The following SEMA3A variants were observed in gnomAD, a reference collection of about 807,000 sequenced individuals.
SEMA3A encodes the protein semaphorin 3A, also known as semaphorin-3A.
A neutral mutation model predicts 97.9 loss-of-function variants in SEMA3A; 29 were observed. The observed-to-expected ratio is 0.30, with a 90% CI of 0.22 to 0.40. The LOEUF is 0.40. Ranked by LOEUF, SEMA3A falls within the 10% of genes least tolerant of loss-of-function variation. The pLI is 1.00. For synonymous variants in SEMA3A, 321 were observed against 323.7 expected (o/e 0.99, Z 0.09); for missense variants, 763 against 951.3 (o/e 0.80, Z 2.60).
intron 4 of SEMA3A, among the ~76,000 whole-genome samples, chr7:84,095,358 C>CATATATAT (rs200107086): frequency 1.2e-3 from 142 of 122,856 alleles, no homozygotes; most frequent in African/African-American, 4.0e-3. Flanking sequence ...TTTTTATATA[C>CATATATAT]ATATATATAT....
At chr7:83,961,878 G>C (rs1788487405) in intron 16 of SEMA3A, 52 bp from the exon 17 acceptor site, 1 of 1,359,326 alleles carries the variant, frequency 7.4e-7, no homozygotes. Flanking sequence ...AAAAGAAATA[G>C]AAGCTCTGAA....
At chr7:84,207,242 GA>G (rs1258797050) in intron 3 of SEMA3A, among the ~76,000 whole-genome samples, 1 of 152,204 alleles carries the variant, frequency 6.6e-6, no homozygotes, top group African/African-American at 2.4e-5. Context: ...AAATGTAAGT[GA>G]ATTACTTCCT....
At chr7:84,017,725 T>C (rs1725708670) in intron 6 of SEMA3A, among the ~76,000 whole-genome samples, 1 of 152,160 alleles carries the variant, frequency 6.6e-6, no homozygotes, top group Non-Finnish European at 1.5e-5. Flanking sequence ...AAACGTTGCC[T>C]TCCCCTTCCT....
chr7:84,159,388 G>T (rs147566153), intron 1 of SEMA3A, among the ~76,000 whole-genome samples: 1 of 151,926 alleles, frequency 6.6e-6, no homozygotes, highest in African/African-American at 2.4e-5. Flanking sequence ...ATCTTTTTCC[G>T]TACCTTTTTA....
At chr7:84,378,531 G>C (rs1012673005) in intron 1 of SEMA3A, among the ~76,000 whole-genome samples, 1 of 152,022 alleles carries the variant, frequency 6.6e-6, no homozygotes, top group African/African-American at 2.4e-5. Flanking sequence ...GACACAGGGA[G>C]GGAACATCAC....
chr7:84,155,419 A>G (rs973844524), intron 1 of SEMA3A, among the ~76,000 whole-genome samples: 1 of 152,168 alleles, frequency 6.6e-6, no homozygotes, highest in South Asian at 2.1e-4. Context: ...TTGAGATGTC[A>G]GTGTGCTTTG....
chr7:84,424,391 T>C (rs1025685244), intron 1 of SEMA3A, among the ~76,000 whole-genome samples: 1 of 135,628 alleles, frequency 7.4e-6, no homozygotes, highest in African/African-American at 2.7e-5. Flanking sequence ...AATAATATAA[T>C]ACAATATGAA....
At chr7:84,225,615 C>A (rs919943096) in intron 3 of SEMA3A, among the ~76,000 whole-genome samples, 4 of 152,034 alleles carry the variant, frequency 2.6e-5, no homozygotes, top group African/African-American at 9.7e-5. Context: ...TATCTTAAAT[C>A]TTGTGCAACA....
intron 4 of SEMA3A, among the ~76,000 whole-genome samples, chr7:84,071,152 G>T (rs2372026): frequency 1.3e-5 from 2 of 151,958 alleles, no homozygotes; most frequent in Admixed American, 1.3e-4. Flanking sequence ...ACTAATCAAA[G>T]GGAAAAATTC....
intron 7 of SEMA3A, 118 bp downstream of exon 7, chr7:84,014,089 TTA>T: frequency 2.6e-6 from 2 of 755,576 alleles, no homozygotes; most frequent in Non-Finnish European, 4.3e-6. Flanking sequence ...CATTTATTTG[TTA>T]TGTGAGTCAA....
chr7:84,419,669 G>T (rs1040193735), intron 1 of SEMA3A, among the ~76,000 whole-genome samples: 1 of 152,094 alleles, frequency 6.6e-6, no homozygotes, highest in African/African-American at 2.4e-5. Flanking sequence ...CCACATACAG[G>T]TTCAGAGTGG....
At chr7:84,384,990 A>G (rs982644191) in intron 1 of SEMA3A, among the ~76,000 whole-genome samples, 11 of 152,082 alleles carry the variant, frequency 7.2e-5, no homozygotes, top group African/African-American at 2.4e-4. Context: ...GAGAGCTTCT[A>G]TATCAGGTTC....
chr7:84,363,367 T>G (rs1287378661), intron 2 of SEMA3A, among the ~76,000 whole-genome samples: 1 of 151,908 alleles, frequency 6.6e-6, no homozygotes, highest in African/African-American at 2.4e-5. Context: ...TTTTTCACTC[T>G]CGGACATTCG....
At chr7:83,998,778 GTTA>G (rs1057080489) in intron 12 of SEMA3A, among the ~76,000 whole-genome samples, 2 of 151,686 alleles carry the variant, frequency 1.3e-5, no homozygotes, top group Admixed American at 1.3e-4. Context: ...TTTAAAATTT[GTTA>G]TTATTATTTC....
At chr7:84,479,246 G>C (rs1584353835) in intron 1 of SEMA3A, among the ~76,000 whole-genome samples, 1 of 152,118 alleles carries the variant, frequency 6.6e-6, no homozygotes. Flanking sequence ...AAGGTTAATG[G>C]CTAAGTGCTT....
intron 1 of SEMA3A, among the ~76,000 whole-genome samples, chr7:84,185,444 G>A (rs965096159): frequency 6.6e-6 from 1 of 151,706 alleles, no homozygotes; most frequent in Non-Finnish European, 1.5e-5. Flanking sequence ...GGCCAAGGTG[G>A]GCAGATCATC....
At chr7:84,145,136 T>A (rs916068461) in intron 1 of SEMA3A, among the ~76,000 whole-genome samples, 11 of 152,304 alleles carry the variant, frequency 7.2e-5, no homozygotes, top group Admixed American at 4.6e-4. Context: ...CACCCTCACC[T>A]GCTTAGGTAA....
chr7:84,008,149 T>C (rs1286815005), intron 9 of SEMA3A, among the ~76,000 whole-genome samples: 1 of 152,060 alleles, frequency 6.6e-6, no homozygotes, highest in Non-Finnish European at 1.5e-5. Context: ...TTTTGTTCGC[T>C]AAACAAAAAA....
chr7:84,189,370 A>C (rs540504145), intron 1 of SEMA3A, among the ~76,000 whole-genome samples: 1 of 151,948 alleles, frequency 6.6e-6, no homozygotes, highest in Middle Eastern at 3.4e-3. Flanking sequence ...GATCAATTCA[A>C]AATTTATATC....
Sources: allele counts gnomAD v4.1 joint callset (sites outside exome capture counted in the v4.1 genomes callset), GRCh38; gene constraint gnomAD v4.1.1; transcripts MANE v1.5; gene names NCBI Gene and HGNC (gene_info 2026-07-23, HGNC 2026-07-21).